ITFG1: variants seen among roughly 807,000 people sequenced by gnomAD.
ITFG1 encodes integrin alpha FG-GAP repeat containing 1, also known as T-cell immunomodulatory protein.
Under a neutral mutation model 81.8 loss-of-function variants are expected in ITFG1, and 34 were observed. That is an observed-to-expected ratio of 0.42 (90% CI 0.32 to 0.55). The LOEUF is 0.55. ITFG1 is among the 20% of genes least tolerant of loss of function. The pLI is 0.17. For synonymous variants in ITFG1, 285 were observed against 270.6 expected, an observed-to-expected ratio of 1.05 and a Z score of -0.52; for missense variants, 672 against 755.4, an observed-to-expected ratio of 0.89 and a Z score of 1.29.
chr16:47,213,933 T>C (rs1965595316), intron 14 of ITFG1, among the ~76,000 whole-genome samples: 1 of 152,212 alleles, frequency 6.6e-6, no homozygotes, highest in Non-Finnish European at 1.5e-5. Flanking sequence ...CTGAACTTGA[T>C]GAAGGAGTGA....
intron 12 of ITFG1, among the ~76,000 whole-genome samples, chr16:47,242,329 TA>T (rs1304681191): frequency 1.4e-5 from 2 of 138,542 alleles, no homozygotes; most frequent in Non-Finnish European, 3.1e-5. Flanking sequence ...AAAATGCAAA[TA>T]ATCAAAAAAA....
At chr16:47,189,690 G>A (rs1965269162) in intron 14 of ITFG1, among the ~76,000 whole-genome samples, 1 of 152,136 alleles carries the variant, frequency 6.6e-6, no homozygotes, top group South Asian at 2.1e-4. Flanking sequence ...ATGTGGACAT[G>A]TTTTCTGTTC....
At chr16:47,210,182 A>G (rs2151523841) in intron 14 of ITFG1, among the ~76,000 whole-genome samples, 1 of 152,314 alleles carries the variant, frequency 6.6e-6, no homozygotes, top group African/African-American at 2.4e-5. Context: ...TAAGTGATCT[A>G]CTGTCTCTGC....
At chr16:47,450,722 TCAGATA>T (rs1316986922) in intron 5 of ITFG1, among the ~76,000 whole-genome samples, 1 of 152,198 alleles carries the variant, frequency 6.6e-6, no homozygotes, top group Non-Finnish European at 1.5e-5. Context: ...CTTTACCTTA[TCAGATA>T]CAGAAAAAAA....
chr16:47,246,038 A>G (rs931747190), intron 12 of ITFG1, among the ~76,000 whole-genome samples: 1 of 152,212 alleles, frequency 6.6e-6, no homozygotes. Context: ...TCTGTATAAG[A>G]TAAAATGTCT....
intron 8 of ITFG1, among the ~76,000 whole-genome samples, chr16:47,334,017 TAAG>T (rs1967670447): frequency 6.6e-6 from 1 of 152,206 alleles, no homozygotes. Flanking sequence ...GGCCCACCAG[TAAG>T]AAAGTTGTGA....
chr16:47,213,904 G>C (rs1567425397), intron 14 of ITFG1, among the ~76,000 whole-genome samples: 1 of 152,112 alleles, frequency 6.6e-6, no homozygotes. Flanking sequence ...TGAGTTCTGT[G>C]AGCCATTCCA....
chr16:47,193,371 G>A (rs1369906584), intron 14 of ITFG1, among the ~76,000 whole-genome samples: 1 of 151,100 alleles, frequency 6.6e-6, no homozygotes, highest in Non-Finnish European at 1.5e-5. Flanking sequence ...AATAATTTTC[G>A]TTTCTTCTGT....
intron 14 of ITFG1, among the ~76,000 whole-genome samples, chr16:47,214,111 C>T (rs898091065): frequency 6.6e-6 from 1 of 152,156 alleles, no homozygotes; most frequent in African/African-American, 2.4e-5. Flanking sequence ...AGATACCTAG[C>T]TTGTGTTGGA....
At chr16:47,413,371 A>G (rs1014885907) in intron 6 of ITFG1, among the ~76,000 whole-genome samples, 6 of 152,196 alleles carry the variant, frequency 3.9e-5, no homozygotes, top group Non-Finnish European at 7.3e-5. Context: ...TGCTAAATAT[A>G]GAAATGAAAG....
intron 12 of ITFG1, among the ~76,000 whole-genome samples, chr16:47,250,657 AT>A (rs1966062276): frequency 6.6e-6 from 1 of 152,218 alleles, no homozygotes; most frequent in Non-Finnish European, 1.5e-5. Context: ...AAAACAAAAC[AT>A]ATTATTTACC....
intron 8 of ITFG1, among the ~76,000 whole-genome samples, chr16:47,340,761 A>G (rs1967770591): frequency 6.6e-6 from 1 of 152,238 alleles, no homozygotes; most frequent in Admixed American, 6.5e-5. Flanking sequence ...GTCCAACTAT[A>G]TGTTGTCTAT....
intron 14 of ITFG1, among the ~76,000 whole-genome samples, chr16:47,181,142 T>G (rs1173774887): frequency 5.6e-5 from 8 of 142,094 alleles, no homozygotes; most frequent in African/African-American, 1.9e-4. Context: ...GGAGCGCCGC[T>G]GCCCCACCGC....
At chr16:47,420,426 G>T (rs184843709) in intron 6 of ITFG1, among the ~76,000 whole-genome samples, 1 of 152,262 alleles carries the variant, frequency 6.6e-6, no homozygotes, top group Non-Finnish European at 1.5e-5. Context: ...AACAGTGAGA[G>T]TGTGATGTTG....
In ITFG1 at chr16:47,204,831, A is replaced by G. The variant is rs1305181628; in HGVS notation, c.1453+14037T>C. Among the ~76,000 whole-genome samples the G allele has an allele frequency of 3.3e-5, 5 of 152,242 alleles. No homozygotes were observed. The East Asian group carries it at 9.6e-4, about 29-fold the overall frequency. ...AGAAGACTGGGAATATCTAGAAGAC[A>G]TGAGAGCTTCCTGGCTGAGAAAACT... On this transcript the variant is annotated intron_variant, in intron 14 of 17. Transcript: ENST00000320640.
rs559502299 is a variant in ITFG1 at position 47,350,913 on chromosome 16, T to C, written c.802+14875A>G. 1.2e-4 allele frequency among the ~76,000 whole-genome samples: 18 copies of C among 152,172 alleles called. No homozygotes were observed. In the South Asian group the frequency reaches 1.5e-3, roughly 12 times the overall value. On this transcript the variant is annotated intron_variant, in intron 8 of 17. Coordinates refer to ENST00000320640, the MANE Select transcript of ITFG1 (RefSeq NM_030790.5). ...TGGGATGGAAGGCTGGTTCAACATA[T>C]GCAAATCAATAAACATAACCCAGCA...
At chr16:47,363,493 G>A (rs543471222) in intron 8 of ITFG1, among the ~76,000 whole-genome samples, 11 of 152,060 alleles carry the variant, frequency 7.2e-5, no homozygotes, top group South Asian at 2.1e-4. Flanking sequence ...CCTCAGCCCC[G>A]AGAAGCTGAG....
intron 8 of ITFG1, among the ~76,000 whole-genome samples, chr16:47,328,631 C>T (rs772816449): frequency 1.3e-5 from 2 of 151,960 alleles, no homozygotes; most frequent in Non-Finnish European, 2.9e-5. Context: ...CTTAAACATT[C>T]TTATTTTCTA....
chr16:47,327,474 T>C (rs1249438807), intron 8 of ITFG1, among the ~76,000 whole-genome samples: 2 of 151,976 alleles, frequency 1.3e-5, no homozygotes, highest in East Asian at 1.9e-4. Context: ...AATTGACAAA[T>C]GGGATCTAAT....
Sources: allele counts gnomAD v4.1 joint callset (sites outside exome capture counted in the v4.1 genomes callset), GRCh38; gene constraint gnomAD v4.1.1; transcripts MANE v1.5; gene names NCBI Gene and HGNC (gene_info 2026-07-23, HGNC 2026-07-21).